Variants in STAG1 observed in about 807,000 individuals in gnomAD.
STAG1 encodes the protein STAG1 cohesin complex component.
A neutral mutation model predicts 170.9 loss-of-function variants in STAG1; 26 were observed. The ratio of observed to expected loss-of-function variants is 0.15; its 90% confidence interval spans 0.11 to 0.21. The LOEUF (loss-of-function observed/expected upper bound fraction) is 0.21, where lower values mean the gene tolerates loss of function less well. Ranked by LOEUF, STAG1 falls within the 10% of genes least tolerant of loss-of-function variation. STAG1 has a pLI of 1.00. For synonymous variants in STAG1, 514 were observed against 497.7 expected (o/e 1.03, Z -0.44); for missense variants, 964 against 1,509.5 (o/e 0.64, Z 5.99).
chr3:136,479,183 T>C (rs2089853184), intron 9 of STAG1, among the ~76,000 whole-genome samples: 1 of 146,294 alleles, frequency 6.8e-6, no homozygotes, highest in African/African-American at 2.5e-5. Context: ...CCCACCAACG[T>C]GTCATCTAGC....
chr3:136,400,280 T>C (rs777800623), intron 21 of STAG1, among the ~76,000 whole-genome samples: 3 of 152,140 alleles, frequency 2.0e-5, no homozygotes, highest in Non-Finnish European at 2.9e-5. Context: ...CAGGCTGCAG[T>C]GCAGTGGCGT....
At chr3:136,412,939 T>G (rs2087667636) in intron 21 of STAG1, among the ~76,000 whole-genome samples, 1 of 151,054 alleles carries the variant, frequency 6.6e-6, no homozygotes, top group Non-Finnish European at 1.5e-5. Context: ...CTCAGCTCAC[T>G]GCAACCTCCT....
chr3:136,549,222 T>C (rs1428868349), intron 5 of STAG1, among the ~76,000 whole-genome samples: 1 of 152,208 alleles, frequency 6.6e-6, no homozygotes, highest in Non-Finnish European at 1.5e-5. Context: ...TGTATAGAAA[T>C]ACAACTAAAT....
chr3:136,734,700 T>C (rs1576828770), intron 1 of STAG1, among the ~76,000 whole-genome samples: 1 of 152,132 alleles, frequency 6.6e-6, no homozygotes. Context: ...TTTTGTTGCT[T>C]TAGGGGTGTT....
chr3:136,513,534 A>C (rs1934185887), intron 7 of STAG1, among the ~76,000 whole-genome samples: 1 of 152,168 alleles, frequency 6.6e-6, no homozygotes, highest in Non-Finnish European at 1.5e-5. Context: ...TTTCAGTAAC[A>C]AACAAAAAAA....
At chr3:136,357,393 A>G (rs1936701187) in intron 28 of STAG1, among the ~76,000 whole-genome samples, 1 of 152,230 alleles carries the variant, frequency 6.6e-6, no homozygotes, top group Non-Finnish European at 1.5e-5. Flanking sequence ...GTCAAATAGA[A>G]TATAAAACTA....
intron 3 of STAG1, among the ~76,000 whole-genome samples, chr3:136,605,813 T>C (rs1938903299): frequency 6.6e-6 from 1 of 152,216 alleles, no homozygotes; most frequent in Admixed American, 6.5e-5. Flanking sequence ...GCTGCAGTAT[T>C]AGGCTTTGTA....
At chr3:136,456,097 A>T (rs1395073394) in intron 13 of STAG1, among the ~76,000 whole-genome samples, 1 of 152,198 alleles carries the variant, frequency 6.6e-6, no homozygotes, top group African/African-American at 2.4e-5. Context: ...CTTCAAATAC[A>T]CAAGCATCAA....
intron 4 of STAG1, among the ~76,000 whole-genome samples, chr3:136,578,766 T>C (rs903449979): frequency 4.6e-5 from 7 of 152,222 alleles, no homozygotes; most frequent in Non-Finnish European, 7.3e-5. Flanking sequence ...GATGGAGTTG[T>C]AACTCATGTC....
intron 30 of STAG1, among the ~76,000 whole-genome samples, chr3:136,342,444 G>A (rs1430724744): frequency 6.6e-6 from 1 of 151,824 alleles, no homozygotes; most frequent in Non-Finnish European, 1.5e-5. Flanking sequence ...TCAGCCTTCC[G>A]AGTAGCTGGG....
Position 136,445,937 on chromosome 3 carries a change from C to T in STAG1, c.1429-2533G>A, listed in dbSNP as rs1477727880. Among the ~76,000 whole-genome samples, 10 of 152,132 alleles carry T rather than the reference C, an allele frequency of 6.6e-5. No individual in the cohort carries two copies. In the East Asian group the frequency reaches 1.7e-3, roughly 26 times the overall value. ...AAAGCTATTCTTCATTTACTTCAAT[C>T]CCAAATGATAATCTGCATTTTAATA... On this transcript the variant is annotated intron_variant, in intron 14 of 33. Transcript: ENST00000383202.
chr3:136,668,121 A>G (rs2107872257), intron 1 of STAG1, among the ~76,000 whole-genome samples: 1 of 151,972 alleles, frequency 6.6e-6, no homozygotes, highest in African/African-American at 2.4e-5. Context: ...AATCCCAGCT[A>G]TGTCGAGAGG....
chr3:136,652,958 A>C (rs114546471), intron 1 of STAG1, among the ~76,000 whole-genome samples: 123 of 152,240 alleles, frequency 8.1e-4, no homozygotes, highest in Middle Eastern at 3.4e-3. Flanking sequence ...GGAGGAAATA[A>C]GGGTGGGAGA....
chr3:136,353,064 A>G (rs1936496542), intron 28 of STAG1, among the ~76,000 whole-genome samples: 1 of 152,216 alleles, frequency 6.6e-6, no homozygotes, highest in African/African-American at 2.4e-5. Context: ...TTGAAAGTAT[A>G]ATCAAAATTA....
intron 1 of STAG1, among the ~76,000 whole-genome samples, chr3:136,702,866 A>T (rs1943122455): frequency 1.3e-5 from 2 of 151,954 alleles, no homozygotes; most frequent in African/African-American, 2.4e-5. Context: ...TCAGGAGATC[A>T]AGACCATCTT....
intron 1 of STAG1, among the ~76,000 whole-genome samples, chr3:136,703,411 A>C (rs565417510): frequency 2.0e-5 from 3 of 152,200 alleles, no homozygotes; most frequent in Admixed American, 2.0e-4. Flanking sequence ...CCTTGTTCAA[A>C]AATTGGGGTT....
intron 10 of STAG1, among the ~76,000 whole-genome samples, chr3:136,476,591 CAATT>C (rs1449967630): frequency 6.6e-6 from 1 of 152,118 alleles, no homozygotes; most frequent in Non-Finnish European, 1.5e-5. Context: ...AACTTCTTAA[CAATT>C]AAATAAGGTA....
intron 1 of STAG1, among the ~76,000 whole-genome samples, chr3:136,631,621 G>A (rs185063320): frequency 3.9e-5 from 6 of 152,306 alleles, no homozygotes; most frequent in East Asian, 3.9e-4. Flanking sequence ...CGTGCAGGAC[G>A]TTGATAGTAC....
intron 22 of STAG1, among the ~76,000 whole-genome samples, chr3:136,392,680 C>T (rs913044884): frequency 2.0e-5 from 3 of 149,254 alleles, no homozygotes; most frequent in South Asian, 2.1e-4. Flanking sequence ...GGAGGACAAT[C>T]GCTTGAACCT....
Sources: gnomAD v4.1 joint callset for allele counts (sites outside exome capture counted in the v4.1 genomes callset) on GRCh38, gnomAD v4.1.1 for gene constraint, MANE v1.5 for transcripts, NCBI Gene and HGNC (gene_info 2026-07-23, HGNC 2026-07-21) for gene names.